Variants in PLG observed in about 807,000 individuals in gnomAD.
The protein encoded by PLG is plasminogen.
Under a neutral mutation model 104.4 loss-of-function variants are expected in PLG, and 41 were observed. The observed-to-expected ratio is 0.39, with a 90% CI of 0.31 to 0.51. The LOEUF is 0.51. Among genes scored for constraint, PLG ranks in the 20% least tolerant of loss-of-function variants. The probability of loss-of-function intolerance (pLI) is 0.76; values close to 1 mark genes in which losing one functional copy is unlikely to be tolerated. For synonymous variants in PLG, 337 were observed against 357.1 expected, an observed-to-expected ratio of 0.94 and a Z score of 0.63; for missense variants, 891 against 1,003.6, an observed-to-expected ratio of 0.89 and a Z score of 1.52.
At position 160,716,660 on chromosome 6, in the gene PLG, C is replaced by T. The variant is rs1272176894; in HGVS notation, c.684C>T (p.Asn228=). 5.6e-6 allele frequency: 9 copies of T among 1,603,596 alleles called. No homozygotes were observed. In the Admixed American group the frequency reaches 1.0e-4, roughly 18 times the overall value. Residue 228 remains asparagine, a synonymous_variant, in exon 7 of 19, where the codon AAC becomes AAT. Coordinates refer to ENST00000308192, the MANE Select transcript of PLG (RefSeq NM_000301.5). The stretch of plus-strand genomic sequence containing the variant: ...GTCCATTCAGATTTCCAAACAAGAA[C>T]CTGAAGAAGAATTACTGTCGTAACC... ...GYIPSKFPNK[N]LKKNYCRNPD...
At position 160,719,231 on chromosome 6, in the gene PLG, C is replaced by G. The variant is rs1426904475; in HGVS notation, c.1096+393C>G. 6.6e-6 allele frequency among the ~76,000 whole-genome samples: 1 copy of G among 152,030 alleles called. No individual in the cohort carries two copies. The highest frequency in any genetic ancestry group is 1.9e-4 in the East Asian group (1 of 5,194). On this transcript the variant is annotated intron_variant, in intron 9 of 18. Coordinates refer to ENST00000308192, the MANE Select transcript of PLG (RefSeq NM_000301.5). The surrounding 1 kb of genome is among the most constrained non-coding windows in gnomAD (Gnocchi z 4.1). ...AAATTAGTCTATTTCTCTTTTAGAT[C>G]GTAACTCTTTTGTATATTTTGAAGC...
At chr6:160,706,693 A>T (rs1777534151) in intron 2 of PLG, 151 bp downstream of exon 2, 1 of 754,314 alleles carries the variant, frequency 1.3e-6, no homozygotes, top group African/African-American at 1.7e-5. Flanking sequence ...AAGCCATACT[A>T]ACAGCTTCTT....
chr6:160,702,403 G>A (rs1044957390), intron 1 of PLG, 50 bp downstream of exon 1: 1 of 1,476,966 alleles, frequency 6.8e-7, no homozygotes, highest in African/African-American at 1.4e-5. Flanking sequence ...CTCCCACAAT[G>A]TAGTAAAAAT....
rs1411152367 is a variant in PLG at position 160,731,824 on chromosome 6, T to C, written c.1518T>C (p.Ala506=). 1 of 1,614,116 alleles carries C rather than the reference T, an allele frequency of 6.2e-7. No homozygotes were observed. Among genetic ancestry groups the C allele is most frequent in the Non-Finnish European group, 8.5e-7 (1 of 1,179,956 alleles). ...TVTGTPCQDW[A]AQEPHRHSIF... is the part of the protein sequence containing the mutation. ...CTGGGACGCCATGCCAGGACTGGGC[T>C]GCCCAGGAGCCCCATAGACACAGCA... The change falls in exon 12 of 19, where the codon GCT becomes GCC. Residue 506 remains alanine, a synonymous_variant. Transcript: ENST00000308192. This position sits in a 1 kb window ranked among gnomAD's most constrained non-coding sequence, Gnocchi z 5.1.
Position 160,753,808 on chromosome 6 carries a change from C to T in PLG, c.*747C>T, listed in dbSNP as rs879837329. On this transcript the variant is annotated 3_prime_UTR_variant, in exon 19 of 19. Transcript: ENST00000308192. This position sits in a 1 kb window ranked among gnomAD's most constrained non-coding sequence, Gnocchi z 5.4. ...TATTTCCCATTGCTAATTGCCTGCC[C>T]GGTTTTGAAACAGTCTGCAGTACAC... 1.3e-5 allele frequency among the ~76,000 whole-genome samples: 2 copies of T among 152,132 alleles called. No individual in the cohort carries two copies. The highest frequency in any genetic ancestry group is 2.4e-5 in the African/African-American group (1 of 41,426).
intron 12 of PLG, among the ~76,000 whole-genome samples, chr6:160,733,592 C>T (rs1778037033): frequency 6.6e-6 from 1 of 152,064 alleles, no homozygotes; most frequent in Non-Finnish European, 1.5e-5. Context: ...GTAATCCCTA[C>T]ACTTTGGGAG....
intron 9 of PLG, among the ~76,000 whole-genome samples, chr6:160,721,928 A>T (rs1777836932): frequency 6.6e-6 from 1 of 152,170 alleles, no homozygotes. Flanking sequence ...GAAGCTGTGG[A>T]TCTTTGCCTG....
chr6:160,719,069 G>T lies in PLG; in HGVS notation c.1096+231G>T, dbSNP rs749764071. Among the ~76,000 whole-genome samples, 31 of 152,108 alleles carry T rather than the reference G, an allele frequency of 2.0e-4. No individual in the cohort carries two copies. The highest frequency in any genetic ancestry group is 4.0e-4 in the Non-Finnish European group (27 of 68,020). ...CTCTTGAAAAGAATGTGTCTTCTGC[G>T]GTTGTTGGGTGGGGTGTTCCCTCAA... is the stretch of plus-strand genomic sequence containing the variant. On this transcript the variant is annotated intron_variant, in intron 9 of 18. Transcript: ENST00000308192. The surrounding 1 kb of genome is among the most constrained non-coding windows in gnomAD (Gnocchi z 4.1).
intron 17 of PLG, among the ~76,000 whole-genome samples, chr6:160,749,238 A>G (rs146283567): frequency 4.6e-4 from 70 of 152,258 alleles, no homozygotes; most frequent in African/African-American, 1.6e-3. Flanking sequence ...TGTGAGGATT[A>G]AGATTATGCC....
At position 160,753,640 on chromosome 6, in the gene PLG, T is replaced by C. The variant is rs1393579467; in HGVS notation, c.*579T>C. On this transcript the variant is annotated 3_prime_UTR_variant, in exon 19 of 19. Transcript: ENST00000308192. The surrounding 1 kb of genome is among the most constrained non-coding windows in gnomAD (Gnocchi z 5.4). ...CCAGGGGACACGGAGCAGAGAGCTG[T>C]ATATGATGGAGTGAACCGGTCCATG... Among the ~76,000 whole-genome samples, 1 of 152,108 alleles carries C rather than the reference T, an allele frequency of 6.6e-6. No individual in the cohort carries two copies. The highest frequency in any genetic ancestry group is 1.9e-4 in the East Asian group (1 of 5,180).
chr6:160,728,678 C>T (rs1777955633), intron 10 of PLG, among the ~76,000 whole-genome samples: 1 of 152,012 alleles, frequency 6.6e-6, no homozygotes, highest in Admixed American at 6.6e-5. Context: ...CATTGTGAAA[C>T]AATCGGATAT....
chr6:160,749,369 C>A (rs114074967), intron 17 of PLG, among the ~76,000 whole-genome samples: 4,449 of 151,036 alleles, frequency 0.029, 252 homozygotes, highest in African/African-American at 0.1. Context: ...ACCATTGTCA[C>A]CCTCAACATC....
intron 17 of PLG, among the ~76,000 whole-genome samples, chr6:160,742,129 C>T (rs1484815410): frequency 6.6e-6 from 1 of 152,174 alleles, no homozygotes; most frequent in Non-Finnish European, 1.5e-5. Flanking sequence ...CATTCATGTG[C>T]ATGTGTCTTT....
chr6:160,708,239 A>T (rs1777568176), intron 3 of PLG: 1 of 156,804 alleles, frequency 6.4e-6, no homozygotes, highest in African/African-American at 2.4e-5. Context: ...CCTCAGAAAC[A>T]TTTAGATTGG....
rs545865924 is a variant in PLG, at chr6:160,711,107, G to T, written c.323G>T (p.Gly108Val). The T allele has an allele frequency of 7.4e-6, 12 of 1,612,118 alleles. No individual in the cohort carries two copies. The East Asian group carries it at 2.7e-4, about 36-fold the overall frequency. ...CTCTCAGAGTGCAAGACTGGGAATG[G>T]AAAGAACTACAGAGGGACGATGTCC... The part of the protein sequence containing the change: ...VYLSECKTGN[G>V]KNYRGTMSKT... The change falls in exon 4 of 19, where the codon GGA becomes GTA. Residue 108 changes from glycine (G) to valine (V), a missense_variant. Coordinates refer to ENST00000308192, the MANE Select transcript of PLG (RefSeq NM_000301.5).
chr6:160,711,787 T>C lies in PLG; in HGVS notation c.407+596T>C, dbSNP rs1777647655. On this transcript the variant is annotated intron_variant, in intron 4 of 18. Coordinates refer to ENST00000308192, the MANE Select transcript of PLG (RefSeq NM_000301.5). ...AAGATGACTATGTTTGGGACTGAAG[T>C]AAGCATATCAGGTTAGAACTCTCAT... is the stretch of plus-strand genomic sequence containing the variant. 1.3e-5 allele frequency: 21 copies of C among 1,576,656 alleles called. No homozygotes were observed. In the South Asian group the frequency reaches 2.1e-4, roughly 16 times the overall value.
rs921845797 is a variant in PLG, at chr6:160,753,657, C to T, written c.*596C>T. On this transcript the variant is annotated 3_prime_UTR_variant, in exon 19 of 19. Coordinates refer to ENST00000308192, the MANE Select transcript of PLG (RefSeq NM_000301.5). This position sits in a 1 kb window ranked among gnomAD's most constrained non-coding sequence, Gnocchi z 5.4. ...GAGAGCTGTATATGATGGAGTGAAC[C>T]GGTCCATGGATGTGTAACACAAGAC... Among the ~76,000 whole-genome samples, 1 of 152,102 alleles carries T rather than the reference C, an allele frequency of 6.6e-6. No individual in the cohort carries two copies. Among genetic ancestry groups the T allele is most frequent in the African/African-American group, 2.4e-5 (1 of 41,418 alleles).
rs1436286560 is a variant in PLG at position 160,702,311 on chromosome 6, C to T, written c.7C>T (p.His3Tyr). The change falls in exon 1 of 19, where the codon CAT becomes TAT. Residue 3 changes from histidine to tyrosine, a missense_variant. Transcript: ENST00000308192. ...ACTGCTGGCCAGTCCCAAAATGGAACATAAGGAAGTGGTTCTTCTACTTCT... is the reference window on the plus strand; with the variant it reads ...ACTGCTGGCCAGTCCCAAAATGGAATATAAGGAAGTGGTTCTTCTACTTCT... ME[H>Y]KEVVLLLLLF... The T allele has an allele frequency of 1.9e-6, 3 of 1,609,952 alleles. No individual in the cohort carries two copies. The Admixed American group carries it at 5.0e-5, about 27-fold the overall frequency.
In PLG at chr6:160,741,295, G is replaced by A. The variant is rs368343382; in HGVS notation, c.2019-16G>A. On this transcript the variant is annotated splice_polypyrimidine_tract_variant and intron_variant, in intron 16 of 18. Coordinates refer to ENST00000308192, the MANE Select transcript of PLG (RefSeq NM_000301.5). The surrounding 1 kb of genome is among the most constrained non-coding windows in gnomAD (Gnocchi z 4.7). The stretch of plus-strand genomic sequence containing the variant: ...AGCAGAGCAGTCAAACATAACTGCT[G>A]ATGCTTTTCTTTCAGTCCTGCCGTC... 272 of 1,508,964 alleles carry A rather than the reference G, an allele frequency of 1.8e-4. No homozygotes were observed. In the African/African-American group the frequency reaches 3.2e-3, roughly 17 times the overall value. The allele number at this position is 1,508,964 out of a possible 1,614,324, so 93.5% of individuals were successfully genotyped here.
Sources: allele counts gnomAD v4.1 joint callset (sites outside exome capture counted in the v4.1 genomes callset), GRCh38; gene constraint gnomAD v4.1.1; non-coding constraint Gnocchi (gnomAD v3.1); transcripts MANE v1.5; gene names NCBI Gene and HGNC (gene_info 2026-07-23, HGNC 2026-07-21).